LARGE1: variants seen among roughly 807,000 people sequenced by gnomAD.
The protein encoded by LARGE1 is LARGE xylosyl- and glucuronyltransferase 1.
In LARGE1, 43 loss-of-function variants were observed where a neutral mutation model predicts 87.6. The observed-to-expected ratio is 0.49, with a 90% CI of 0.38 to 0.63. The LOEUF (loss-of-function observed/expected upper bound fraction) is 0.63. LARGE1 is among the 30% of genes least tolerant of loss of function. LARGE1 has a pLI of 0.00. For synonymous variants in LARGE1, 434 were observed against 394.6 expected, an observed-to-expected ratio of 1.10 and a Z score of -1.18; for missense variants, 802 against 1,000.2, an observed-to-expected ratio of 0.80 and a Z score of 2.67.
the LARGE1 span, among the ~76,000 whole-genome samples, chr22:33,103,325 C>G: frequency 7.0e-6 from 1 of 143,132 alleles, no homozygotes; most frequent in Non-Finnish European, 1.5e-5. Context: ...CCCAGCTACT[C>G]GGGAGGCTGA....
intron 6 of LARGE1, among the ~76,000 whole-genome samples, chr22:33,434,849 C>G (rs999944492): frequency 6.6e-6 from 1 of 152,150 alleles, no homozygotes; most frequent in Admixed American, 6.5e-5. Flanking sequence ...GCCCCCCCTG[C>G]CAATCCCCAC....
chr22:33,503,259 G>GTT (rs796717166), intron 6 of LARGE1, among the ~76,000 whole-genome samples: 8 of 124,780 alleles, frequency 6.4e-5, no homozygotes, highest in Non-Finnish European at 1.0e-4. Flanking sequence ...TTTTTTTTTT[G>GTT]TTTTTTTTTT....
the LARGE1 span, among the ~76,000 whole-genome samples, chr22:33,115,777 A>C: frequency 6.8e-6 from 1 of 146,056 alleles, no homozygotes. Context: ...ACATTGCACC[A>C]CTGCACTCCA....
At chr22:33,613,518 T>G (rs1415263702) in intron 4 of LARGE1, among the ~76,000 whole-genome samples, 1 of 151,998 alleles carries the variant, frequency 6.6e-6, no homozygotes, top group South Asian at 2.1e-4. Context: ...GGAAACAGAG[T>G]TTTCACTCTT....
chr22:33,393,219 A>G (rs2065595209), intron 7 of LARGE1, among the ~76,000 whole-genome samples: 1 of 152,248 alleles, frequency 6.6e-6, no homozygotes, highest in Non-Finnish European at 1.5e-5. Flanking sequence ...AGGTCATAAA[A>G]GACTTGAGAA....
At chr22:33,379,174 CT>C (rs11300534) in intron 9 of LARGE1, among the ~76,000 whole-genome samples, 31,926 of 137,108 alleles carry the variant, frequency 0.23, 4,544 homozygotes, top group African/African-American at 0.42. Flanking sequence ...TGGGGAAGTT[CT>C]TTTTTTTTTT....
intron 6 of LARGE1, among the ~76,000 whole-genome samples, chr22:33,530,912 G>A (rs2072165753): frequency 6.6e-6 from 1 of 152,250 alleles, no homozygotes; most frequent in Non-Finnish European, 1.5e-5. Flanking sequence ...AAGTACCATA[G>A]AGTACACACC....
intron 7 of LARGE1, among the ~76,000 whole-genome samples, chr22:33,398,366 T>C (rs1212367273): frequency 6.6e-6 from 1 of 152,122 alleles, no homozygotes; most frequent in Non-Finnish European, 1.5e-5. Context: ...AGGATCTAAG[T>C]CCCTGACACT....
intron 6 of LARGE1, among the ~76,000 whole-genome samples, chr22:33,564,476 C>A (rs756121913): frequency 1.1e-4 from 16 of 152,174 alleles, no homozygotes; most frequent in Non-Finnish European, 1.3e-4. Context: ...ACTCTAGAAT[C>A]AATACTCATC....
chr22:33,619,958 GAGGCACGTGCTTAGGGTCACCCAGCTC>G (rs377040653), intron 4 of LARGE1, among the ~76,000 whole-genome samples: 96 of 152,326 alleles, frequency 6.3e-4, no homozygotes, highest in African/African-American at 2.2e-3. Flanking sequence ...CCAAGATGTA[GAGGCACGTGCTTAGGGTCACCCAGCTC>G]AGGCCTGGTA....
At chr22:33,550,774 C>A (rs1357572544) in intron 6 of LARGE1, among the ~76,000 whole-genome samples, 1 of 152,174 alleles carries the variant, frequency 6.6e-6, no homozygotes, top group Non-Finnish European at 1.5e-5. Context: ...CTCACAATAG[C>A]AAAGACATGA....
intron 6 of LARGE1, among the ~76,000 whole-genome samples, chr22:33,434,967 T>C (rs1226367918): frequency 1.3e-5 from 2 of 152,150 alleles, no homozygotes; most frequent in African/African-American, 4.8e-5. Flanking sequence ...GACATCACTA[T>C]TTAGTACTTC....
chr22:33,681,571 T>A (rs1043689703), intron 2 of LARGE1, among the ~76,000 whole-genome samples: 10 of 152,170 alleles, frequency 6.6e-5, no homozygotes, highest in Non-Finnish European at 1.5e-5. Flanking sequence ...AGAAGCAAAA[T>A]TTAAGCACTT....
intron 4 of LARGE1, among the ~76,000 whole-genome samples, chr22:33,618,014 T>C (rs1025187302): frequency 2.2e-4 from 33 of 152,222 alleles, no homozygotes; most frequent in Admixed American, 1.9e-3. Flanking sequence ...CAAGGACATT[T>C]GAGCTGAAAT....
intron 6 of LARGE1, among the ~76,000 whole-genome samples, chr22:33,502,202 A>C (rs1320452353): frequency 6.6e-6 from 1 of 151,908 alleles, no homozygotes; most frequent in Non-Finnish European, 1.5e-5. Flanking sequence ...TCTTAAAAAA[A>C]AAAAAAAAAC....
At chr22:33,879,199 C>T (rs1172392527) in intron 1 of LARGE1, among the ~76,000 whole-genome samples, 1 of 152,164 alleles carries the variant, frequency 6.6e-6, no homozygotes, top group African/African-American at 2.4e-5. Context: ...CTCCTGACCT[C>T]AGGTGATCTG....
chr22:33,353,310 A>G (rs1317811355), intron 9 of LARGE1, among the ~76,000 whole-genome samples: 1 of 152,236 alleles, frequency 6.6e-6, no homozygotes, highest in Non-Finnish European at 1.5e-5. Flanking sequence ...AACTCTGTGA[A>G]AAGAGGTTAG....
At chr22:33,506,546 G>C (rs5998973) in intron 6 of LARGE1, among the ~76,000 whole-genome samples, 3,277 of 152,312 alleles carry the variant, frequency 0.022, 102 homozygotes, top group African/African-American at 0.062. Context: ...TACGTCAAAA[G>C]TGGAGGAGGA....
chr22:33,337,576 C>T lies in LARGE1; in HGVS notation c.1287+70G>A. The T allele has an allele frequency of 1.9e-6, 3 of 1,577,392 alleles. No individual in the cohort carries two copies. In the Admixed American group the frequency reaches 5.2e-5, roughly 27 times the overall value. On this transcript the variant is annotated intron_variant, in intron 10 of 14. Coordinates refer to ENST00000397394, the MANE Select transcript of LARGE1 (RefSeq NM_133642.5). The stretch of plus-strand genomic sequence containing the variant: ...GCCATGAGCCTGACATAGAGCCTGG[C>T]ATGGGGGAGGTCCTTGATGGATGAG...
Sources: allele counts gnomAD v4.1 joint callset (sites outside exome capture counted in the v4.1 genomes callset), GRCh38; gene constraint gnomAD v4.1.1; transcripts MANE v1.5; gene names NCBI Gene and HGNC (gene_info 2026-07-23, HGNC 2026-07-21).